Variants in UGT1A8 observed in about 807,000 individuals in gnomAD.
The protein encoded by UGT1A8 is UDP-glucuronosyltransferase 1A8.
UGT1A8 carries 39 observed loss-of-function variants against 45.3 expected under a neutral mutation model. The ratio of observed to expected loss-of-function variants is 0.86; its 90% CI spans 0.67 to 1.12. The LOEUF (loss-of-function observed/expected upper bound fraction) is 1.12. Among genes scored for constraint, UGT1A8 ranks in the 50% most tolerant of loss-of-function variants. The pLI is 0.00. For synonymous variants in UGT1A8, 275 were observed against 249.2 expected, an observed-to-expected ratio of 1.10 and a Z score of -0.97; for missense variants, 719 against 664.9, an observed-to-expected ratio of 1.08 and a Z score of -0.90.
intron 1 of UGT1A8, among the ~76,000 whole-genome samples, chr2:233,639,630 G>T (rs1305633711): frequency 6.6e-6 from 1 of 152,168 alleles, no homozygotes; most frequent in African/African-American, 2.4e-5. Context: ...GTGTGTTTGC[G>T]TGCAGTGTCC....
chr2:233,719,268 T>C (rs12468274), intron 1 of UGT1A8: 110,466 of 1,614,086 alleles, frequency 0.068, 5,154 homozygotes, highest in South Asian at 0.18. Context: ...TGATGTGGTT[T>C]TAACAGACCC....
At chr2:233,712,758 C>T (rs4556969) in intron 1 of UGT1A8, among the ~76,000 whole-genome samples, 15,431 of 152,146 alleles carry the variant, frequency 0.1, 905 homozygotes, top group East Asian at 0.2. Context: ...CCAGAGCGAG[C>T]GCAAGGTCAG....
At position 233,711,263 on chromosome 2, in the gene UGT1A8, C is replaced by G. The variant is rs570843140; in HGVS notation, c.856-55771C>G. 3.9e-5 allele frequency among the ~76,000 whole-genome samples: 6 copies of G among 152,310 alleles called. No homozygotes were observed. In the East Asian group the frequency reaches 1.2e-3, roughly 29 times the overall value. On this transcript the variant is annotated intron_variant, in intron 1 of 4. Transcript: ENST00000373450. ...CATCTTCCAAGATACATGGGCCTCC[C>G]CAGGGTCTAGGAGTCCTAGACGTGG... is the stretch of plus-strand genomic sequence containing the variant.
chr2:233,673,570 CT>C (rs45448792), intron 1 of UGT1A8, among the ~76,000 whole-genome samples: 1,956 of 152,184 alleles, frequency 0.013, 43 homozygotes, highest in African/African-American at 0.044. Flanking sequence ...GCTATTGTGT[CT>C]TCCTGTTCAG....
intron 1 of UGT1A8, among the ~76,000 whole-genome samples, chr2:233,716,440 T>G (rs1338804763): frequency 6.6e-6 from 1 of 152,154 alleles, no homozygotes. Flanking sequence ...AGGTTTTCCT[T>G]CATTTGGCCA....
At chr2:233,622,842 G>A (rs1255014317) in intron 1 of UGT1A8, among the ~76,000 whole-genome samples, 1 of 152,086 alleles carries the variant, frequency 6.6e-6, no homozygotes, top group African/African-American at 2.4e-5. Flanking sequence ...TTTTCTTCTA[G>A]GGTTTTTATG....
intron 1 of UGT1A8, among the ~76,000 whole-genome samples, chr2:233,619,715 T>G (rs1211759247): frequency 1.3e-5 from 2 of 152,220 alleles, no homozygotes; most frequent in Non-Finnish European, 2.9e-5. Flanking sequence ...TATTGGTAAT[T>G]AAAGTTTTGG....
At position 233,768,369 on chromosome 2, in the gene UGT1A8, A is replaced by T. The variant is rs1156645272; in HGVS notation, c.1225A>T (p.Thr409Ser). 8.1e-6 allele frequency: 13 copies of T among 1,614,034 alleles called. No homozygotes were observed. The South Asian group carries it at 1.1e-4, about 14-fold the overall frequency. Residue 409 changes from threonine to serine, a missense_variant, in exon 4 of 5, where the codon ACC (threonine) becomes TCC (serine). Thr to Ser is a moderately conservative substitution (Grantham distance 58). Coordinates refer to ENST00000373450, the MANE Select transcript of UGT1A8 (RefSeq NM_019076.5). ...CATGGAGACTAAGGGAGCTGGAGTG[A>T]CCCTGAATGTTCTGGAAATGACTTC... Reference protein sequence around the residue: ...KRMETKGAGVTLNVLEMTSED... With the variant: ...KRMETKGAGVSLNVLEMTSED...
chr2:233,629,991 A>G (rs1233275490), intron 1 of UGT1A8, among the ~76,000 whole-genome samples: 1 of 151,928 alleles, frequency 6.6e-6, no homozygotes, highest in East Asian at 1.9e-4. Context: ...CATTCCTAAT[A>G]TTGATAATTT....
intron 1 of UGT1A8, chr2:233,691,521 A>G (rs965532552): frequency 1.0e-6 from 1 of 985,728 alleles, no homozygotes; most frequent in Non-Finnish European, 1.2e-6. Flanking sequence ...CCAGGTGTGC[A>G]TGACTAGCTC....
At position 233,668,154 on chromosome 2, in the gene UGT1A8, C is replaced by T. The variant is rs563845187; in HGVS notation, c.855+49592C>T. ...ATGTGCCGTGTTGGTTTGCTGCACC[C>T]ATTAACTCGTCATTTACATTAGGTA... On this transcript the variant is annotated intron_variant, in intron 1 of 4. Transcript: ENST00000373450. 2.0e-5 allele frequency among the ~76,000 whole-genome samples: 3 copies of T among 152,150 alleles called. No individual in the cohort carries two copies. In the South Asian group the frequency reaches 6.2e-4, roughly 32 times the overall value.
intron 1 of UGT1A8, among the ~76,000 whole-genome samples, chr2:233,750,255 C>A (rs915928909): frequency 1.3e-5 from 2 of 151,886 alleles, no homozygotes; most frequent in Admixed American, 1.3e-4. Context: ...CAAAGGTCAC[C>A]CTTGCTATGC....
At chr2:233,757,562 GTATATA>G (rs1491042837) in intron 1 of UGT1A8, among the ~76,000 whole-genome samples, 1 of 90,870 alleles carries the variant, frequency 1.1e-5, no homozygotes, top group South Asian at 4.4e-4. Context: ...ATATATATAT[GTATATA>G]TGATATAGCT....
At chr2:233,700,848 A>C (rs1341869131) in intron 1 of UGT1A8, among the ~76,000 whole-genome samples, 1 of 151,952 alleles carries the variant, frequency 6.6e-6, no homozygotes, top group Non-Finnish European at 1.5e-5. Context: ...CATTAGGTAT[A>C]TCTCCTAATG....
intron 1 of UGT1A8, chr2:233,637,344 T>C: frequency 6.2e-7 from 1 of 1,613,900 alleles, no homozygotes; most frequent in Non-Finnish European, 8.5e-7. Context: ...TCATTGGTGG[T>C]ATCAACTGTC....
At chr2:233,624,943 G>C (rs2073065965) in intron 1 of UGT1A8, among the ~76,000 whole-genome samples, 1 of 151,898 alleles carries the variant, frequency 6.6e-6, no homozygotes, top group South Asian at 2.1e-4. Flanking sequence ...TTCATTGCTA[G>C]TATAGTTGAC....
At chr2:233,771,544 A>C (rs1300566643) in intron 4 of UGT1A8, 1 of 152,264 alleles carries the variant, frequency 6.6e-6, no homozygotes, top group Non-Finnish European at 1.5e-5. Flanking sequence ...GGCACTTACA[A>C]ATGGCTGTTA....
chr2:233,699,313 G>A (rs1398593623), intron 1 of UGT1A8, among the ~76,000 whole-genome samples: 1 of 151,996 alleles, frequency 6.6e-6, no homozygotes, highest in Non-Finnish European at 1.5e-5. Context: ...TGTCCTTTTT[G>A]CTATTTTGTT....
chr2:233,758,651 G>A (rs1039863868), intron 1 of UGT1A8, among the ~76,000 whole-genome samples: 3 of 151,900 alleles, frequency 2.0e-5, no homozygotes, highest in African/African-American at 7.3e-5. Context: ...AGAATGAGAG[G>A]GTACCCTAAT....
Sources: gnomAD v4.1 joint callset for allele counts (sites outside exome capture counted in the v4.1 genomes callset) on GRCh38, gnomAD v4.1.1 for gene constraint, MANE v1.5 for transcripts, NCBI Gene and HGNC (gene_info 2026-07-23, HGNC 2026-07-21) for gene names.